TXNL4B: variants seen among roughly 807,000 people sequenced by gnomAD.
TXNL4B encodes thioredoxin like 4B, also known as thioredoxin-like protein 4B.
In TXNL4B, 12 loss-of-function variants were observed where a neutral mutation model predicts 13.0. The ratio of observed to expected loss-of-function variants is 0.92; its 90% CI spans 0.59 to 1.49. The LOEUF (loss-of-function observed/expected upper bound fraction) is 1.49. Among genes scored for constraint, TXNL4B ranks in the 40% most tolerant of loss-of-function variants. The pLI, the probability that TXNL4B is intolerant of heterozygous loss-of-function variation, is 0.00. For missense variants in TXNL4B, 214 were observed against 173.6 expected, an observed-to-expected ratio of 1.23 and a Z score of -1.31; for synonymous variants, 59 against 58.9, an observed-to-expected ratio of 1.00 and a Z score of -0.01.
Position 72,090,714 on chromosome 16 carries a change from C to T in TXNL4B, c.36G>A (p.Lys12=). The T allele has an allele frequency of 1.2e-6, 2 of 1,614,180 alleles. No individual in the cohort carries two copies. The highest frequency in any genetic ancestry group is 1.7e-6 in the Non-Finnish European group (2 of 1,180,046). ...SFLLPKLTSK[K]EVDQAIKSTA... ...TACTTTTTATCGCCTGGTCTACTTC[C>T]TTTTTGCTAGTCAGCTTGGGCAGTA... The change falls in exon 2 of 4, where the codon AAG becomes AAA. Residue 12 remains lysine, a synonymous_variant. Transcript: ENST00000268483.
intron 2 of TXNL4B, 54 bp from the exon 3 acceptor site, chr16:72,089,192 C>G: frequency 1.3e-6 from 2 of 1,509,416 alleles, no homozygotes; most frequent in Admixed American, 1.8e-5. Context: ...CTTAATGTTT[C>G]TTCTGTGAAA....
intron 3 of TXNL4B, among the ~76,000 whole-genome samples, chr16:72,088,448 C>T (rs1169519159): frequency 2.6e-5 from 4 of 152,220 alleles, no homozygotes; most frequent in Admixed American, 2.6e-4. Flanking sequence ...AAGAGGACAT[C>T]ATGTTACTTA....
At chr16:72,090,840 C>T in intron 1 of TXNL4B, 54 bp from the exon 2 acceptor site, 1 of 1,462,666 alleles carries the variant, frequency 6.8e-7, no homozygotes, top group Admixed American at 2.0e-5. Context: ...CGTGAGCCCT[C>T]ATTAAAAAAA....
chr16:72,091,845 A>G (rs2041910050), intron 1 of TXNL4B, among the ~76,000 whole-genome samples: 1 of 152,338 alleles, frequency 6.6e-6, no homozygotes, highest in African/African-American at 2.4e-5. Flanking sequence ...CAACCCCGTC[A>G]TTTTACAAAC....
chr16:72,090,481 C>G (rs2041888948), intron 2 of TXNL4B, 137 bp downstream of exon 2: 2 of 848,016 alleles, frequency 2.4e-6, no homozygotes, highest in Non-Finnish European at 3.6e-6. Flanking sequence ...GGCAGGCACA[C>G]AATCAGCTCT....
Position 72,084,866 on chromosome 16 carries a change from A to C in TXNL4B, c.*1771T>G. On this transcript the variant is annotated 3_prime_UTR_variant, in exon 4 of 4. Transcript: ENST00000268483. ...CCCAACTAACAGTGACTTAGGCAAA[A>C]AGAAATTTTATTCTTTCACAGAAGT... 1 of 398,662 alleles carries C rather than the reference A, an allele frequency of 2.5e-6. No homozygotes were observed. The highest frequency in any genetic ancestry group is 4.4e-6 in the Non-Finnish European group (1 of 226,082). 24.7% of individuals were successfully genotyped at this position (398,662 alleles called of 1,614,324 possible).
chr16:72,093,736 G>C (rs560791772), upstream of TXNL4B: 4 of 152,476 alleles, frequency 2.6e-5, no homozygotes, highest in East Asian at 1.9e-4. Flanking sequence ...CCCCAGACTA[G>C]AGGCGGGATG....
chr16:72,092,225 A>G (rs1015121439), intron 1 of TXNL4B, among the ~76,000 whole-genome samples: 1 of 152,220 alleles, frequency 6.6e-6, no homozygotes, highest in Non-Finnish European at 1.5e-5. Flanking sequence ...CCTGGCCAAC[A>G]TGGTGAAACC....
rs55953809 is a variant in TXNL4B at position 72,086,163 on chromosome 16, C to T, written c.*474G>A. ...GGGAAAGCACGAGGGATGTATGAGT[C>T]GAGGAACCGGCAAAGGGGTGTGGGG... On this transcript the variant is annotated 3_prime_UTR_variant, in exon 4 of 4. Coordinates refer to ENST00000268483, the MANE Select transcript of TXNL4B (RefSeq NM_017853.3). The T allele has an allele frequency of 0.017, 2,653 of 152,858 alleles. 30 individuals are homozygous for T. Among genetic ancestry groups the T allele is most frequent in the Non-Finnish European group, 0.026 (1,803 of 68,592 alleles). The allele number at this position is 152,858 out of a possible 1,614,324, so 9.5% of individuals were successfully genotyped here. A position where few individuals can be genotyped will look rare whatever the true frequency, so the allele number is the denominator to read the frequency against.
chr16:72,092,504 A>G (rs566749685), intron 1 of TXNL4B, among the ~76,000 whole-genome samples: 1 of 152,358 alleles, frequency 6.6e-6, no homozygotes, highest in African/African-American at 2.4e-5. Context: ...AAACAGGGAC[A>G]TTGATGGCCC....
chr16:72,090,597 T>C (rs1228857071), intron 2 of TXNL4B, 21 bp downstream of exon 2: 9 of 1,612,094 alleles, frequency 5.6e-6, no homozygotes, highest in Non-Finnish European at 7.6e-6. Context: ...TAAAAACCAA[T>C]TATTTTAGAC....
At chr16:72,088,398 T>A (rs1265873799) in intron 3 of TXNL4B, among the ~76,000 whole-genome samples, 1 of 152,264 alleles carries the variant, frequency 6.6e-6, no homozygotes, top group Non-Finnish European at 1.5e-5. Context: ...TCATCAATAT[T>A]AAGTATTGAG....
upstream of TXNL4B, chr16:72,093,671 G>T (rs916777752): frequency 2.0e-5 from 3 of 152,330 alleles, no homozygotes; most frequent in Non-Finnish European, 2.9e-5. Flanking sequence ...CGGAAGCTAG[G>T]CGTCACCTCC....
chr16:72,088,624 A>C (rs1373907742), intron 3 of TXNL4B, among the ~76,000 whole-genome samples: 1 of 152,240 alleles, frequency 6.6e-6, no homozygotes, highest in African/African-American at 2.4e-5. Context: ...TTTCAAATGA[A>C]ATTCCTGGGA....
chr16:72,090,179 T>G, intron 2 of TXNL4B: 1 of 456,256 alleles, frequency 2.2e-6, no homozygotes, highest in South Asian at 1.5e-5. Flanking sequence ...GGCAGCACAC[T>G]AGAAAAGATT....
intron 1 of TXNL4B, among the ~76,000 whole-genome samples, chr16:72,091,719 G>A (rs944659847): frequency 6.6e-6 from 1 of 151,970 alleles, no homozygotes; most frequent in Admixed American, 6.6e-5. Context: ...AAGATTCTTC[G>A]TGTGCACCTT....
At chr16:72,086,891 CT>C in intron 3 of TXNL4B, 89 bp from the exon 4 acceptor site, 1 of 1,038,360 alleles carries the variant, frequency 9.6e-7, no homozygotes, top group South Asian at 1.9e-5. Context: ...TGAAAAACAG[CT>C]TTGTTATTTT....
In TXNL4B at chr16:72,086,811, C is replaced by A; in HGVS notation, c.285-9G>T. ...TAGTGTGATCTGGAGATCTAGACAG[C>A]ATAGAAGAGAAACAACTGCTCTAAG... On this transcript the variant is annotated splice_polypyrimidine_tract_variant and intron_variant, in intron 3 of 3. Coordinates refer to ENST00000268483, the MANE Select transcript of TXNL4B (RefSeq NM_017853.3). The A allele has an allele frequency of 6.4e-7, 1 of 1,557,460 alleles. No homozygotes were observed. Among genetic ancestry groups the A allele is most frequent in the South Asian group, 1.2e-5 (1 of 84,106 alleles).
Position 72,085,136 on chromosome 16 carries a change from A to G in TXNL4B, c.*1501T>C, listed in dbSNP as rs1306497257. On this transcript the variant is annotated 3_prime_UTR_variant, in exon 4 of 4. Coordinates refer to ENST00000268483, the MANE Select transcript of TXNL4B (RefSeq NM_017853.3). ...CCTGGAGTGACTCCCTCCTCTTATC[A>G]GCAGGGATACAAGCAGTGCCTGGCA... The G allele has an allele frequency of 7.5e-6, 3 of 397,564 alleles. No homozygotes were observed. The highest frequency in any genetic ancestry group is 1.3e-5 in the Non-Finnish European group (3 of 225,862). 24.6% of individuals were successfully genotyped at this position (397,564 alleles called of 1,614,324 possible). A position where few individuals can be genotyped will look rare whatever the true frequency, so the allele number is the denominator to read the frequency against.
Sources: allele counts gnomAD v4.1 joint callset (sites outside exome capture counted in the v4.1 genomes callset), GRCh38; gene constraint gnomAD v4.1.1; transcripts MANE v1.5; gene names NCBI Gene and HGNC (gene_info 2026-07-23, HGNC 2026-07-21).